The following MYO5B variants were observed in gnomAD, a reference collection of about 807,000 sequenced individuals.
MYO5B encodes myosin VB.
Under a neutral mutation model 229.3 loss-of-function variants are expected in MYO5B, and 143 were observed. The ratio of observed to expected loss-of-function variants is 0.62; its 90% confidence interval spans 0.54 to 0.72. MYO5B has a LOEUF of 0.72. MYO5B is among the 30% of genes least tolerant of loss of function. MYO5B has a pLI of 0.00. For synonymous variants in MYO5B, 918 were observed against 885.2 expected, an observed-to-expected ratio of 1.04 and a Z score of -0.66; for missense variants, 2,321 against 2,331.0, an observed-to-expected ratio of 1.00 and a Z score of 0.09.
intron 10 of MYO5B, among the ~76,000 whole-genome samples, chr18:49,964,239 C>T (rs1026943406): frequency 7.9e-5 from 12 of 152,166 alleles, no homozygotes; most frequent in African/African-American, 2.4e-4. Flanking sequence ...TCACAATGTA[C>T]GAAAGTGTCT....
chr18:49,981,963 G>T (rs1355656215), intron 8 of MYO5B, among the ~76,000 whole-genome samples: 6 of 152,194 alleles, frequency 3.9e-5, no homozygotes, highest in African/African-American at 1.4e-4. Flanking sequence ...TTTTGTCTGA[G>T]CTTAGAGTAT....
chr18:49,880,279 T>C lies in MYO5B; in HGVS notation c.3130+92A>G, dbSNP rs150028080. 4.7e-6 allele frequency: 5 copies of C among 1,073,332 alleles called. No homozygotes were observed. In the African/African-American group the frequency reaches 6.2e-5, roughly 13 times the overall value. 66.5% of individuals were successfully genotyped at this position (1,073,332 alleles called of 1,614,324 possible). A position where few individuals can be genotyped will look rare whatever the true frequency, so the allele number is the denominator to read the frequency against. On this transcript the variant is annotated intron_variant, in intron 23 of 39. Transcript: ENST00000285039. ...ATCCTTTCCCCACTGTAGCCTCTAGTCTAACTGCATGCTTGCTAGGAGTCT... is the reference window on the plus strand; with the variant it reads ...ATCCTTTCCCCACTGTAGCCTCTAGCCTAACTGCATGCTTGCTAGGAGTCT...
At chr18:50,140,898 G>A (rs2032407712) in intron 1 of MYO5B, among the ~76,000 whole-genome samples, 1 of 152,198 alleles carries the variant, frequency 6.6e-6, no homozygotes, top group African/African-American at 2.4e-5. Flanking sequence ...AGGAAGAGAT[G>A]CATAGGACAG....
At chr18:50,032,032 T>C (rs1250613805) in intron 4 of MYO5B, among the ~76,000 whole-genome samples, 1 of 152,132 alleles carries the variant, frequency 6.6e-6, no homozygotes, top group Non-Finnish European at 1.5e-5. Context: ...ATAGAATACA[T>C]TTCTTCCCCA....
rs184099282 is a variant in MYO5B at position 49,979,366 on chromosome 18, C to T, written c.1056+1078G>A. Among the ~76,000 whole-genome samples the T allele has an allele frequency of 7.9e-5, 12 of 152,342 alleles. No individual in the cohort carries two copies. In the East Asian group the frequency reaches 2.3e-3, roughly 29 times the overall value. ...GCAGAGTCCATGCCAGGGATGGCAG[C>T]AGGCCAGACAGGCCCAGGGGCCCTC... On this transcript the variant is annotated intron_variant, in intron 9 of 39. Transcript: ENST00000285039.
In MYO5B at chr18:49,937,263, C is replaced by T; in HGVS notation, c.1887G>A (p.Lys629=). The part of the protein sequence containing the change: ...PPMKVSNKEH[K]KTVGHQFRTS... ...GGCTGACCTGGTGGCCAACGGTTTT[C>T]TTGTGCTCCTTGTTGGAGACTTTCA... Residue 629 remains lysine (K), a synonymous_variant, in exon 15 of 40, where the codon AAG becomes AAA. Coordinates refer to ENST00000285039, the MANE Select transcript of MYO5B (RefSeq NM_001080467.3). 1 of 1,614,140 alleles carries T rather than the reference C, an allele frequency of 6.2e-7. No individual in the cohort carries two copies. Among genetic ancestry groups the T allele is most frequent in the Non-Finnish European group, 8.5e-7 (1 of 1,179,994 alleles).
intron 27 of MYO5B, among the ~76,000 whole-genome samples, chr18:49,870,709 A>C (rs1452408311): frequency 6.6e-6 from 1 of 152,230 alleles, no homozygotes; most frequent in African/African-American, 2.4e-5. Context: ...AATGCAAGTC[A>C]AAACTACAAT....
At chr18:49,977,168 C>T (rs556690158) in intron 9 of MYO5B, among the ~76,000 whole-genome samples, 14 of 152,206 alleles carry the variant, frequency 9.2e-5, no homozygotes, top group Admixed American at 4.6e-4. Flanking sequence ...CACCCTCTTC[C>T]GACTGTTGAT....
At chr18:50,019,775 C>T (rs2026254815) in intron 4 of MYO5B, among the ~76,000 whole-genome samples, 1 of 152,146 alleles carries the variant, frequency 6.6e-6, no homozygotes, top group Admixed American at 6.5e-5. Context: ...GGAGGAAGTC[C>T]CTTTTCCTCC....
At chr18:49,845,216 T>A (rs2024110403) in intron 33 of MYO5B, among the ~76,000 whole-genome samples, 1 of 152,244 alleles carries the variant, frequency 6.6e-6, no homozygotes, top group African/African-American at 2.4e-5. Context: ...CAAGATGCAG[T>A]CTGTTTAAGG....
intron 39 of MYO5B, among the ~76,000 whole-genome samples, chr18:49,831,684 G>A (rs2023924255): frequency 6.6e-6 from 1 of 152,198 alleles, no homozygotes. Context: ...TATAGCTGCT[G>A]TGGAAAAGTT....
Position 49,949,600 on chromosome 18 carries a change from C to T in MYO5B, c.1752+3660G>A, listed in dbSNP as rs147495345. Among the ~76,000 whole-genome samples, 693 of 152,230 alleles carry T rather than the reference C, an allele frequency of 4.6e-3. 2 individuals are homozygous for T. Among genetic ancestry groups the T allele is most frequent in the Non-Finnish European group, 8.3e-3 (563 of 68,020 alleles). The stretch of plus-strand genomic sequence containing the variant: ...GGTTGGTAGAGTATATGGGTGTCTT[C>T]TATCCCCTACTGCTTAATTATTCAT... On this transcript the variant is annotated intron_variant, in intron 14 of 39. Transcript: ENST00000285039.
At chr18:50,001,142 G>T (rs952361317) in intron 5 of MYO5B, 113 bp downstream of exon 5, 1 of 1,352,618 alleles carries the variant, frequency 7.4e-7, no homozygotes, top group Non-Finnish European at 1.1e-6. Flanking sequence ...ACAGTGGACA[G>T]AGGGCTCTCA....
chr18:49,906,807 C>T (rs1233923821), intron 18 of MYO5B, among the ~76,000 whole-genome samples, 177 bp from the exon 19 acceptor site: 1 of 152,164 alleles, frequency 6.6e-6, no homozygotes, highest in African/African-American at 2.4e-5. Flanking sequence ...CTACTACGGG[C>T]CAGACTCTAG....
intron 1 of MYO5B, among the ~76,000 whole-genome samples, chr18:50,115,887 T>C (rs1000662279): frequency 6.6e-6 from 1 of 152,198 alleles, no homozygotes; most frequent in South Asian, 2.1e-4. Flanking sequence ...TAGCTGTTAA[T>C]GGCTGCTTGC....
intron 1 of MYO5B, among the ~76,000 whole-genome samples, chr18:50,101,041 C>T (rs1483074078): frequency 3.9e-5 from 6 of 152,160 alleles, no homozygotes; most frequent in Non-Finnish European, 7.4e-5. Flanking sequence ...GAATAAGCTC[C>T]GTGGATCTAA....
intron 36 of MYO5B, among the ~76,000 whole-genome samples, chr18:49,838,294 C>G (rs2024014994): frequency 6.6e-6 from 1 of 152,184 alleles, no homozygotes; most frequent in Non-Finnish European, 1.5e-5. Flanking sequence ...GGTTAAATAA[C>G]TTGTCTGAGG....
At chr18:49,934,986 A>T (rs1219225187) in intron 16 of MYO5B, among the ~76,000 whole-genome samples, 4 of 151,912 alleles carry the variant, frequency 2.6e-5, no homozygotes, top group African/African-American at 4.8e-5. Context: ...TTAAAAATAC[A>T]CCTCCTCTGG....
At chr18:49,987,219 G>T (rs554322732) in intron 7 of MYO5B, among the ~76,000 whole-genome samples, 1 of 152,218 alleles carries the variant, frequency 6.6e-6, no homozygotes, top group Admixed American at 6.5e-5. Context: ...ACTGAGGCTT[G>T]TCACTGCAGG....
Sources: allele counts gnomAD v4.1 joint callset (sites outside exome capture counted in the v4.1 genomes callset), GRCh38; gene constraint gnomAD v4.1.1; transcripts MANE v1.5; gene names NCBI Gene and HGNC (gene_info 2026-07-23, HGNC 2026-07-21).